The following CCBE1 variants were observed in gnomAD, a reference collection of about 807,000 sequenced individuals.
CCBE1 encodes the protein collagen and calcium binding EGF domains 1.
In CCBE1, 37 loss-of-function variants were observed where a neutral mutation model predicts 50.0. That is an observed-to-expected ratio of 0.74 (90% confidence interval 0.57 to 0.97). The LOEUF (loss-of-function observed/expected upper bound fraction) is 0.97, where lower values mean the gene tolerates loss of function less well. Among genes scored for constraint, CCBE1 ranks in the 50% least tolerant of loss-of-function variants. CCBE1 has a pLI of 0.00. For synonymous variants in CCBE1, 234 were observed against 203.7 expected (o/e 1.15, Z -1.27); for missense variants, 538 against 523.8 (o/e 1.03, Z -0.26).
intron 7 of CCBE1, among the ~76,000 whole-genome samples, chr18:59,446,703 T>C (rs531279605): frequency 6.6e-6 from 1 of 152,342 alleles, no homozygotes; most frequent in Non-Finnish European, 1.5e-5. Context: ...CAGTCTGCCA[T>C]GTCCAGATCA....
chr18:59,591,727 T>C (rs2053272650), intron 2 of CCBE1, among the ~76,000 whole-genome samples: 1 of 152,184 alleles, frequency 6.6e-6, no homozygotes, highest in South Asian at 2.1e-4. Context: ...GTTCAATCCT[T>C]ACAGAAAGGA....
At chr18:59,448,457 A>G (rs1205411615) in intron 6 of CCBE1, among the ~76,000 whole-genome samples, 1 of 152,038 alleles carries the variant, frequency 6.6e-6, no homozygotes, top group Non-Finnish European at 1.5e-5. Flanking sequence ...TTGAACACCT[A>G]CTATGTGCAG....
intron 2 of CCBE1, among the ~76,000 whole-genome samples, chr18:59,666,967 A>T (rs1019210421): frequency 3.3e-5 from 5 of 152,174 alleles, no homozygotes; most frequent in Non-Finnish European, 7.3e-5. Flanking sequence ...TCTGTCTCAA[A>T]AAATAAATAA....
chr18:59,478,458 C>T (rs1175378746), intron 3 of CCBE1, among the ~76,000 whole-genome samples: 1 of 152,172 alleles, frequency 6.6e-6, no homozygotes, highest in Non-Finnish European at 1.5e-5. Flanking sequence ...AACAAACATG[C>T]TATGAAAAGT....
chr18:59,618,166 G>A lies in CCBE1; in HGVS notation c.212+78463C>T. ...CAGGCACTTTCAAGATGTAAAACTT[G>A]AGCTGAGAGCGGTGGCTCATGCCTG... On this transcript the variant is annotated intron_variant, in intron 2 of 10. Coordinates refer to ENST00000439986, the MANE Select transcript of CCBE1 (RefSeq NM_133459.4). Among the ~76,000 whole-genome samples the A allele has an allele frequency of 2.0e-5, 3 of 152,210 alleles. No homozygotes were observed. The South Asian group carries it at 6.2e-4, about 32-fold the overall frequency.
At chr18:59,635,202 A>T (rs531695379) in intron 2 of CCBE1, among the ~76,000 whole-genome samples, 2 of 152,360 alleles carry the variant, frequency 1.3e-5, no homozygotes, top group South Asian at 4.1e-4. Flanking sequence ...ATGACAATGA[A>T]ATCATAGCTT....
chr18:59,455,797 T>C (rs577967175), intron 5 of CCBE1, among the ~76,000 whole-genome samples: 3 of 152,282 alleles, frequency 2.0e-5, no homozygotes, highest in Non-Finnish European at 4.4e-5. Context: ...CTGAAAGTGC[T>C]AGGTTGAGGG....
At chr18:59,688,470 C>A (rs886637519) in intron 2 of CCBE1, 4 of 152,130 alleles carry the variant, frequency 2.6e-5, no homozygotes, top group African/African-American at 9.7e-5. Flanking sequence ...AAAAACAAAC[C>A]CTAACATGTT....
intron 2 of CCBE1, among the ~76,000 whole-genome samples, chr18:59,587,517 T>C (rs1035096521): frequency 6.6e-6 from 1 of 152,232 alleles, no homozygotes; most frequent in Non-Finnish European, 1.5e-5. Flanking sequence ...ACAGAACATG[T>C]TATAGGAACT....
At chr18:59,560,029 T>A (rs2052711186) in intron 2 of CCBE1, among the ~76,000 whole-genome samples, 2 of 152,226 alleles carry the variant, frequency 1.3e-5, no homozygotes, top group African/African-American at 4.8e-5. Flanking sequence ...TGTCATGGTC[T>A]TACTGATATT....
intron 2 of CCBE1, among the ~76,000 whole-genome samples, chr18:59,667,267 CA>C (rs758955448): frequency 4.6e-5 from 7 of 152,268 alleles, no homozygotes; most frequent in Non-Finnish European, 1.0e-4. Flanking sequence ...GACCCTGACT[CA>C]AAAACATTAA....
At chr18:59,542,593 G>GA (rs1030619123) in intron 2 of CCBE1, among the ~76,000 whole-genome samples, 13 of 152,102 alleles carry the variant, frequency 8.5e-5, no homozygotes, top group Admixed American at 7.9e-4. Flanking sequence ...ATATGCATCT[G>GA]AAAAAATGGA....
intron 2 of CCBE1, among the ~76,000 whole-genome samples, chr18:59,573,816 T>C (rs1014388092): frequency 2.0e-5 from 3 of 152,226 alleles, no homozygotes; most frequent in Non-Finnish European, 4.4e-5. Flanking sequence ...GCTTCCATGA[T>C]TCCATTTGGT....
intron 2 of CCBE1, among the ~76,000 whole-genome samples, chr18:59,609,330 C>G (rs1422665311): frequency 6.6e-6 from 1 of 152,226 alleles, no homozygotes; most frequent in African/African-American, 2.4e-5. Flanking sequence ...GCTTATTGGA[C>G]AGTTCCTCTT....
At chr18:59,441,163 TCTA>T (rs1305499852) in intron 7 of CCBE1, among the ~76,000 whole-genome samples, 6 of 152,182 alleles carry the variant, frequency 3.9e-5, no homozygotes, top group Non-Finnish European at 8.8e-5. Context: ...TGCCTCAGTC[TCTA>T]CTGTTTCTCT....
intron 2 of CCBE1, among the ~76,000 whole-genome samples, chr18:59,555,027 C>G (rs1484539713): frequency 2.6e-5 from 4 of 152,182 alleles, no homozygotes; most frequent in Non-Finnish European, 5.9e-5. Flanking sequence ...TTAGATTTCT[C>G]TCATTCTAAC....
At chr18:59,558,123 C>A in intron 2 of CCBE1, among the ~76,000 whole-genome samples, 1 of 152,214 alleles carries the variant, frequency 6.6e-6, no homozygotes, top group East Asian at 1.9e-4. Flanking sequence ...TTCTTAACAT[C>A]ATTCGCAATT....
intron 2 of CCBE1, among the ~76,000 whole-genome samples, chr18:59,672,237 G>T (rs2054441533): frequency 6.6e-6 from 1 of 152,116 alleles, no homozygotes; most frequent in Non-Finnish European, 1.5e-5. Context: ...GTGGTGGGTG[G>T]AGACCACCAG....
At chr18:59,653,541 C>A (rs191990554) in intron 2 of CCBE1, among the ~76,000 whole-genome samples, 2 of 152,164 alleles carry the variant, frequency 1.3e-5, no homozygotes, top group Non-Finnish European at 2.9e-5. Context: ...TTTTTTCCCC[C>A]ACAACAACCC....
Sources: allele counts gnomAD v4.1 joint callset (sites outside exome capture counted in the v4.1 genomes callset), GRCh38; gene constraint gnomAD v4.1.1; transcripts MANE v1.5; gene names NCBI Gene and HGNC (gene_info 2026-07-23, HGNC 2026-07-21).